Variants in MYH14 observed in about 807,000 individuals in gnomAD.
MYH14 encodes the protein myosin heavy chain 14.
In MYH14, 123 loss-of-function variants were observed where a neutral mutation model predicts 255.5. The ratio of observed to expected loss-of-function variants is 0.48; its 90% CI spans 0.42 to 0.56. The LOEUF is 0.56. MYH14 is among the 20% of genes least tolerant of loss of function. The pLI is 0.00. For synonymous variants in MYH14, 1,095 were observed against 1,161.2 expected (o/e 0.94, Z 1.16); for missense variants, 2,423 against 2,802.3 (o/e 0.86, Z 3.06).
intron 39 of MYH14, among the ~76,000 whole-genome samples, chr19:50,296,449 A>T (rs201074496): frequency 6.6e-6 from 1 of 152,108 alleles, no homozygotes; most frequent in East Asian, 1.9e-4. Flanking sequence ...CTCTACAAAA[A>T]AAAAAATTAG....
In MYH14 at chr19:50,273,601, G is replaced by GTGTGTGTGTGT. The variant is rs1555772397; in HGVS notation, c.3467+870_3467+871insTGTGTGTGTGT. 1.4e-3 allele frequency among the ~76,000 whole-genome samples: 197 copies of GTGTGTGTGTGT among 137,572 alleles called. 2 individuals are homozygous for GTGTGTGTGTGT. The highest frequency in any genetic ancestry group is 1.7e-3 in the African/African-American group (63 of 37,178). 90.3% of individuals were successfully genotyped at this position (137,572 alleles called of 152,430 possible). On this transcript the variant is annotated intron_variant, in intron 27 of 42. Transcript: ENST00000642316. ...ATCTTAGAGTTGATGGAACATGGGG[G>GTGTGTGTGTGT]GTGTGTGTGTGTGTGTGTGTGTGTG... is the stretch of plus-strand genomic sequence containing the variant.
chr19:50,279,921 T>C, intron 30 of MYH14, 116 bp from the exon 31 acceptor site: 1 of 813,750 alleles, frequency 1.2e-6, no homozygotes, highest in South Asian at 1.5e-5. Flanking sequence ...CCAGACTGTT[T>C]TCCACGGCAG....
chr19:50,219,777 A>G (rs989908230), intron 3 of MYH14, among the ~76,000 whole-genome samples: 1 of 150,908 alleles, frequency 6.6e-6, no homozygotes, highest in African/African-American at 2.5e-5. Flanking sequence ...GCAGAATTAC[A>G]TGATTAACAT....
At chr19:50,228,868 C>A (rs753874477) in intron 8 of MYH14, among the ~76,000 whole-genome samples, 10 of 152,192 alleles carry the variant, frequency 6.6e-5, no homozygotes, top group Non-Finnish European at 1.3e-4. Context: ...CAGGTCCCGC[C>A]CCCAGGCCAA....
Position 50,261,528 on chromosome 19 carries a change from C to A in MYH14, c.2478C>A (p.Ile826=). The A allele has an allele frequency of 6.3e-7, 1 of 1,583,506 alleles. No individual in the cohort carries two copies. The highest frequency in any genetic ancestry group is 8.6e-7 in the Non-Finnish European group (1 of 1,167,590). ...TCTACCGCGTGGGACAGAGCAAGAT[C>A]TTCTTCCGGGCTGGGGTCCTGGCCC... ...PNLYRVGQSK[I]FFRAGVLAQL... is the part of the protein sequence containing the mutation. The change falls in exon 21 of 43, where the codon ATC becomes ATA. Residue 826 remains isoleucine, a synonymous_variant. Coordinates refer to ENST00000642316, the MANE Select transcript of MYH14 (RefSeq NM_001145809.2).
Position 50,286,767 on chromosome 19 carries a change from A to G in MYH14, c.4752+73A>G. ...CGTACATGCATGTATGCTTTCACAC[A>G]TAGAACATGAAAAACAACCAGCCAT... On this transcript the variant is annotated intron_variant, in intron 34 of 42. Coordinates refer to ENST00000642316, the MANE Select transcript of MYH14 (RefSeq NM_001145809.2). The G allele has an allele frequency of 2.9e-6, 4 of 1,370,148 alleles. No homozygotes were observed. In the African/African-American group the frequency reaches 5.7e-5, roughly 20 times the overall value. 84.9% of individuals were successfully genotyped at this position (1,370,148 alleles called of 1,614,324 possible).
intron 27 of MYH14, 87 bp from the exon 28 acceptor site, chr19:50,275,904 G>A (rs2035485729): frequency 1.9e-6 from 2 of 1,077,678 alleles, no homozygotes; most frequent in Non-Finnish European, 2.7e-6. Flanking sequence ...CACTCCCAAA[G>A]CCCACATCCA....
In MYH14 at chr19:50,210,699, G is replaced by C; in HGVS notation, c.334G>C (p.Glu112Gln). 1.9e-6 allele frequency: 3 copies of C among 1,569,282 alleles called. No homozygotes were observed. Among genetic ancestry groups the C allele is most frequent in the Non-Finnish European group, 1.7e-6 (2 of 1,159,226 alleles). ...PKFSKAEDMA[E>Q]LTCLNEASVL... is the part of the protein sequence containing the mutation. ...GTTCAGCAAGGCCGAGGACATGGCC[G>C]AGCTGACCTGCCTCAACGAGGCCTC... Residue 112 changes from glutamate to glutamine, a missense_variant, in exon 2 of 43, where the codon GAG (glutamate) becomes CAG (glutamine). Physicochemically the swap from Glu to Gln is conservative, Grantham distance 29. Transcript: ENST00000642316.
chr19:50,273,800 C>G (rs1374157471), intron 27 of MYH14, among the ~76,000 whole-genome samples: 1 of 152,040 alleles, frequency 6.6e-6, no homozygotes, highest in Non-Finnish European at 1.5e-5. Flanking sequence ...CGCCAACAAG[C>G]TAATTTTCGT....
At chr19:50,295,005 GT>G (rs1195396880) in intron 39 of MYH14, among the ~76,000 whole-genome samples, 27,332 of 142,822 alleles carry the variant, frequency 0.19, 4,465 homozygotes, top group African/African-American at 0.45. Context: ...AAGAGATTAA[GT>G]TTTTTTTTTT....
rs369966523 is a variant in MYH14 at position 50,292,383 on chromosome 19, G to A, written c.5250G>A (p.Leu1750=). ...LKGLEAEVLR[L]QEELAASDRA... ...GCCTGGAGGCTGAGGTGCTGCGGCT[G>A]CAGGAGGTGAGGCTGGGGTAGGCTG... is the stretch of plus-strand genomic sequence containing the variant. Residue 1750 remains leucine (L), a synonymous_variant, in exon 37 of 43, where the codon CTG becomes CTA. Coordinates refer to ENST00000642316, the MANE Select transcript of MYH14 (RefSeq NM_001145809.2). 4 of 1,582,180 alleles carry A rather than the reference G, an allele frequency of 2.5e-6. No individual in the cohort carries two copies. Among genetic ancestry groups the A allele is most frequent in the Admixed American group, 1.8e-5 (1 of 54,800 alleles).
chr19:50,233,662 G>A (rs589028), intron 10 of MYH14, among the ~76,000 whole-genome samples: 95,936 of 151,666 alleles, frequency 0.63, 30,380 homozygotes, highest in East Asian at 0.71. Context: ...CGGGAGAATC[G>A]GCTGCAGGTC....
rs1339095710 is a variant in MYH14, at chr19:50,255,172, T to C, written c.1946-48T>C. On this transcript the variant is annotated intron_variant, in intron 16 of 42. Coordinates refer to ENST00000642316, the MANE Select transcript of MYH14 (RefSeq NM_001145809.2). ...TTCATGCATCTCTCTCCGCCATCTC[T>C]CTGCCATCTCCCCTCCACCCACCCA... The C allele has an allele frequency of 4.8e-6, 6 of 1,243,296 alleles. No homozygotes were observed. The African/African-American group carries it at 7.5e-5, about 15-fold the overall frequency. 77.0% of individuals were successfully genotyped at this position (1,243,296 alleles called of 1,614,324 possible).
rs554946301 is a variant in MYH14 at position 50,250,352 on chromosome 19, C to T, written c.1657-163C>T. Among the ~76,000 whole-genome samples, 3 of 152,304 alleles carry T rather than the reference C, an allele frequency of 2.0e-5. No individual in the cohort carries two copies. The highest frequency in any genetic ancestry group is 2.9e-5 in the Non-Finnish European group (2 of 68,034). Reference sequence around the variant, plus strand: ...TCCTGACCTCGTGATCTACCCGCCTCGGCCTCCCAAAGTGCTGGGATTACA... The same window carrying T: ...TCCTGACCTCGTGATCTACCCGCCTTGGCCTCCCAAAGTGCTGGGATTACA... On this transcript the variant is annotated intron_variant, in intron 14 of 42. Coordinates refer to ENST00000642316, the MANE Select transcript of MYH14 (RefSeq NM_001145809.2). The surrounding 1 kb of genome is among the most constrained non-coding windows in gnomAD (Gnocchi z 5.4).
Position 50,268,290 on chromosome 19 carries a change from G to T in MYH14, c.2956G>T (p.Glu986Ter). ...QELELVVSEL[E>*]ARVGEEEECS... is the part of the protein sequence containing the mutation. ...GCTGGAGCTGGTGGTGTCAGAGCTGGAGGCTCGCGTGGGCGAGGAGGAGGA... is the reference window on the plus strand; with the variant it reads ...GCTGGAGCTGGTGGTGTCAGAGCTGTAGGCTCGCGTGGGCGAGGAGGAGGA... Residue 986 changes from glutamate (E) to a stop codon, truncating the protein, a stop_gained, in exon 24 of 43, where the codon GAG (glutamate) becomes TAG (stop). Transcript: ENST00000642316. LOFTEE classifies it high-confidence loss of function. The T allele has an allele frequency of 6.3e-7, 1 of 1,587,842 alleles. No homozygotes were observed. Among genetic ancestry groups the T allele is most frequent in the Non-Finnish European group, 8.6e-7 (1 of 1,168,254 alleles).
At chr19:50,232,233 T>G (rs923189422) in intron 10 of MYH14, among the ~76,000 whole-genome samples, 163 bp downstream of exon 10, 1 of 152,166 alleles carries the variant, frequency 6.6e-6, no homozygotes, top group African/African-American at 2.4e-5. Context: ...CATCTCTGCC[T>G]TGAGGAAGCT....
chr19:50,277,258 G>T (rs2035544374), intron 29 of MYH14, among the ~76,000 whole-genome samples: 1 of 152,114 alleles, frequency 6.6e-6, no homozygotes, highest in African/African-American at 2.4e-5. Flanking sequence ...TTCTAAGGCG[G>T]GTGAGTTTTT....
intron 17 of MYH14, among the ~76,000 whole-genome samples, chr19:50,256,658 G>A (rs2034602294): frequency 1.3e-5 from 2 of 152,230 alleles, no homozygotes; most frequent in Non-Finnish European, 2.9e-5. Context: ...ACAGGCATGA[G>A]CCACCGCACC....
intron 33 of MYH14, among the ~76,000 whole-genome samples, chr19:50,283,901 C>T (rs964469425): frequency 6.6e-6 from 1 of 151,984 alleles, no homozygotes; most frequent in Non-Finnish European, 1.5e-5. Flanking sequence ...GGAGAAACCC[C>T]GTCTCTACTA....
Sources: gnomAD v4.1 joint callset for allele counts (sites outside exome capture counted in the v4.1 genomes callset) on GRCh38, gnomAD v4.1.1 for gene constraint, Gnocchi (gnomAD v3.1) non-coding constraint, MANE v1.5 for transcripts, NCBI Gene and HGNC (gene_info 2026-07-23, HGNC 2026-07-21) for gene names.